Variants in SLC33A1 observed in about 807,000 individuals in gnomAD.
The protein encoded by SLC33A1 is acetyl-coenzyme A transporter 1.
A neutral mutation model predicts 50.0 loss-of-function variants in SLC33A1; 20 were observed. The observed-to-expected ratio is 0.40, with a 90% CI of 0.28 to 0.58. The LOEUF (loss-of-function observed/expected upper bound fraction) is 0.58. Ranked by LOEUF, SLC33A1 falls within the 20% of genes least tolerant of loss-of-function variation. The probability of loss-of-function intolerance (pLI) is 0.44; values close to 1 mark genes in which losing one functional copy is unlikely to be tolerated. For synonymous variants in SLC33A1, 265 were observed against 251.8 expected (o/e 1.05, Z -0.50); for missense variants, 476 against 657.0 (o/e 0.72, Z 3.01).
At position 155,853,503 on chromosome 3, in the gene SLC33A1, C is replaced by T. The variant is rs779178345; in HGVS notation, c.495G>A (p.Leu165=). The part of the protein sequence containing the change: ...MIYLSTQVDR[L]LGNTDDRTPD... ...GTGTTCTGTCATCGGTATTCCCAAGCAAACGGTCCACCTGAGTGGATAAAT... is the reference window on the plus strand; with the variant it reads ...GTGTTCTGTCATCGGTATTCCCAAGTAAACGGTCCACCTGAGTGGATAAAT... Residue 165 remains leucine (L), a synonymous_variant, in exon 1 of 6, where the codon TTG becomes TTA. Transcript: ENST00000643144. 1.2e-6 allele frequency: 2 copies of T among 1,613,998 alleles called. No individual in the cohort carries two copies. Among genetic ancestry groups the T allele is most frequent in the South Asian group, 1.1e-5 (1 of 91,086 alleles).
At chr3:155,833,266 A>G (rs1015915702) in intron 4 of SLC33A1, among the ~76,000 whole-genome samples, 7 of 152,192 alleles carry the variant, frequency 4.6e-5, no homozygotes, top group African/African-American at 1.7e-4. Context: ...AAATAAATAA[A>G]TAAATAAAAA....
At chr3:155,833,340 CAAT>C in intron 4 of SLC33A1, 125 bp downstream of exon 4, 1 of 747,494 alleles carries the variant, frequency 1.3e-6, no homozygotes, top group Non-Finnish European at 2.5e-6. Context: ...AGCGCACCAT[CAAT>C]AATTTCTTCA....
Position 155,853,387 on chromosome 3 carries a change from A to G in SLC33A1, c.611T>C (p.Met204Thr). 6.2e-7 allele frequency: 1 copy of G among 1,614,106 alleles called. No homozygotes were observed. The highest frequency in any genetic ancestry group is 8.5e-7 in the Non-Finnish European group (1 of 1,180,034). Residue 204 changes from methionine (M) to threonine (T), a missense_variant, in exon 1 of 6, where the codon ATG becomes ACG. By Grantham distance (81) the Met-to-Thr change is moderately conservative. Transcript: ENST00000643144. The part of the protein sequence containing the change: ...DIAVDGWALT[M>T]LSRENVGYAS... ...ATAACCCACATTTTCCCTGGATAACATAGTTAACGCCCAACCATCGACGGC... is the reference window on the plus strand; with the variant it reads ...ATAACCCACATTTTCCCTGGATAACGTAGTTAACGCCCAACCATCGACGGC...
chr3:155,853,394 A>G lies in SLC33A1; in HGVS notation c.604T>C (p.Leu202=). The change falls in exon 1 of 6, where the codon TTA becomes CTA. Residue 202 remains leucine (L), a synonymous_variant. Transcript: ENST00000643144. ...ACATTTTCCCTGGATAACATAGTTAACGCCCAACCATCGACGGCAATGTCC... is the reference window on the plus strand; with the variant it reads ...ACATTTTCCCTGGATAACATAGTTAGCGCCCAACCATCGACGGCAATGTCC... ...TQDIAVDGWA[L]TMLSRENVGY... The G allele has an allele frequency of 1.2e-6, 2 of 1,614,144 alleles. No individual in the cohort carries two copies. Among genetic ancestry groups the G allele is most frequent in the East Asian group, 2.2e-5 (1 of 44,878 alleles).
At chr3:155,849,375 T>C (rs1434819438) in intron 1 of SLC33A1, among the ~76,000 whole-genome samples, 2 of 152,170 alleles carry the variant, frequency 1.3e-5, no homozygotes, top group African/African-American at 2.4e-5. Context: ...TCAAAACCAC[T>C]GGTTTTTCTT....
Position 155,854,053 on chromosome 3 carries a change from C to G in SLC33A1, c.-56G>C, listed in dbSNP as rs1753528409. 2.1e-6 allele frequency: 3 copies of G among 1,428,510 alleles called. No homozygotes were observed. The African/African-American group carries it at 4.3e-5, about 20-fold the overall frequency. The allele number at this position is 1,428,510 out of a possible 1,614,324, so 88.5% of individuals were successfully genotyped here. ...GGGGCCGAGGCTGAGCGTTTTGGATCCGTCCAGTCCCAGGTCCAAGGCTGT... is the reference window on the plus strand; with the variant it reads ...GGGGCCGAGGCTGAGCGTTTTGGATGCGTCCAGTCCCAGGTCCAAGGCTGT... On this transcript the variant is annotated 5_prime_UTR_variant, in exon 1 of 6. Coordinates refer to ENST00000643144, the MANE Select transcript of SLC33A1 (RefSeq NM_004733.4).
intron 1 of SLC33A1, among the ~76,000 whole-genome samples, chr3:155,848,966 G>A (rs149266559): frequency 0.013 from 2,016 of 152,202 alleles, 23 homozygotes; most frequent in Non-Finnish European, 0.021. Context: ...AGGCTGGAGT[G>A]CAGTGGTGTG....
Position 155,824,597 on chromosome 3 carries a change from CAT to C in SLC33A1, c.*3611_*3612del. On this transcript the variant is annotated 3_prime_UTR_variant, in exon 6 of 6. Transcript: ENST00000643144. ...TATGCAGAGATTTTATAGTTTTTAT[CAT>C]AGATTTTTTTTTTCAACATTGTTTT... is the stretch of plus-strand genomic sequence containing the variant. 6.9e-6 allele frequency: 1 copy of C among 145,178 alleles called. No homozygotes were observed. The highest frequency in any genetic ancestry group is 2.5e-4 in the South Asian group (1 of 4,010). 9.0% of individuals were successfully genotyped at this position (145,178 alleles called of 1,614,324 possible).
rs1752176425 is a variant in SLC33A1, at chr3:155,825,341, A to C, written c.*2869T>G. ...ATTAAAAAAAAAAAAGAAGTCATAA[A>C]GACAGGTTCTTATTATATTGACCAG... On this transcript the variant is annotated 3_prime_UTR_variant, in exon 6 of 6. Coordinates refer to ENST00000643144, the MANE Select transcript of SLC33A1 (RefSeq NM_004733.4). 6.6e-6 allele frequency: 1 copy of C among 152,012 alleles called. No individual in the cohort carries two copies. The highest frequency in any genetic ancestry group is 2.4e-5 in the African/African-American group (1 of 41,400). 9.4% of individuals were successfully genotyped at this position (152,012 alleles called of 1,614,324 possible).
At chr3:155,830,033 A>C in intron 4 of SLC33A1, 130 bp from the exon 5 acceptor site, 1 of 683,146 alleles carries the variant, frequency 1.5e-6, no homozygotes, top group South Asian at 1.7e-5. Context: ...TTCAACAAAT[A>C]CTTATCAAGC....
intron 1 of SLC33A1, among the ~76,000 whole-genome samples, chr3:155,846,734 T>C (rs1176814428): frequency 6.6e-6 from 1 of 151,518 alleles, no homozygotes; most frequent in African/African-American, 2.4e-5. Context: ...ATTACAGGCA[T>C]GAGCCACCGT....
In SLC33A1 at chr3:155,842,478, T is replaced by C; in HGVS notation, c.917A>G (p.Lys306Arg). 1 of 1,612,704 alleles carries C rather than the reference T, an allele frequency of 6.2e-7. No homozygotes were observed. Among genetic ancestry groups the C allele is most frequent in the Non-Finnish European group, 8.5e-7 (1 of 1,179,152 alleles). ...GCAAAATGTCAGAACTGCTGGCATT[T>C]TTATAATTGCAAAAAGCAGCTTGTA... ...DTYKLLFAIIKMPAVLTFCLL... is the reference protein window; with the variant it reads ...DTYKLLFAIIRMPAVLTFCLL... Residue 306 changes from lysine to arginine, a missense_variant, in exon 2 of 6, where the codon AAA (lysine) becomes AGA (arginine). Lys to Arg is a conservative substitution (Grantham distance 26). Coordinates refer to ENST00000643144, the MANE Select transcript of SLC33A1 (RefSeq NM_004733.4).
chr3:155,853,062 C>T (rs1753464938), intron 1 of SLC33A1, 161 bp downstream of exon 1: 5 of 666,192 alleles, frequency 7.5e-6, no homozygotes, highest in Admixed American at 5.6e-5. Context: ...TTCATTTTGG[C>T]TTTAATATTT....
intron 1 of SLC33A1, chr3:155,843,024 T>C (rs1042812440): frequency 4.7e-5 from 4 of 85,228 alleles, no homozygotes; most frequent in Admixed American, 3.6e-4. Context: ...AAAAAAAAAG[T>C]CAACATTTAG....
intron 1 of SLC33A1, 52 bp from the exon 2 acceptor site, chr3:155,842,671 G>A: frequency 1.0e-6 from 1 of 957,008 alleles, no homozygotes; most frequent in Non-Finnish European, 1.6e-6. Context: ...TAATTTCATT[G>A]ATACTAAATA....
In SLC33A1 at chr3:155,828,357, G is replaced by A. The variant is rs775968921; in HGVS notation, c.1503C>T (p.Gly501=). ...AACCATCCAGGGCTGTAACACATGA[G>A]CCACCCAGTTTTTTGCAAAGCTGTA... ...DAVELCKKLG[G]SCVTALDGYY... Residue 501 remains glycine, a synonymous_variant, in exon 6 of 6, where the codon GGC becomes GGT. Transcript: ENST00000643144. 6 of 1,603,614 alleles carry A rather than the reference G, an allele frequency of 3.7e-6. No homozygotes were observed. The African/African-American group carries it at 8.0e-5, about 21-fold the overall frequency.
intron 1 of SLC33A1, among the ~76,000 whole-genome samples, chr3:155,843,218 C>T (rs1354438029): frequency 6.6e-6 from 1 of 152,072 alleles, no homozygotes; most frequent in Non-Finnish European, 1.5e-5. Context: ...TCACTTTATT[C>T]AAGGAAAGTG....
chr3:155,828,896 G>GTTTT (rs11355046), intron 5 of SLC33A1, among the ~76,000 whole-genome samples: 1 of 128,756 alleles, frequency 7.8e-6, no homozygotes. Context: ...AGCCGAATAT[G>GTTTT]TTTTTTTTTT....
intron 1 of SLC33A1, among the ~76,000 whole-genome samples, chr3:155,843,578 C>T (rs1307889048): frequency 6.6e-6 from 1 of 152,092 alleles, no homozygotes; most frequent in African/African-American, 2.4e-5. Context: ...TGCTAAACAG[C>T]TAAAAATAAT....
Sources: allele counts gnomAD v4.1 joint callset (sites outside exome capture counted in the v4.1 genomes callset), GRCh38; gene constraint gnomAD v4.1.1; transcripts MANE v1.5; gene names NCBI Gene and HGNC (gene_info 2026-07-23, HGNC 2026-07-21).